MTA3: variants seen among roughly 807,000 people sequenced by gnomAD.
The protein encoded by MTA3 is metastasis associated 1 family member 3.
A neutral mutation model predicts 83.5 loss-of-function variants in MTA3; 34 were observed. That is an observed-to-expected ratio of 0.41 (90% CI 0.31 to 0.54). MTA3 has a LOEUF of 0.54. Ranked by LOEUF, MTA3 falls within the 20% of genes least tolerant of loss-of-function variation. The pLI is 0.33. For missense variants in MTA3, 761 were observed against 726.4 expected (o/e 1.05, Z -0.55); for synonymous variants, 303 against 252.7 (o/e 1.20, Z -1.89).
intron 2 of MTA3, among the ~76,000 whole-genome samples, chr2:42,556,013 A>C (rs904973222): frequency 1.3e-5 from 2 of 152,042 alleles, no homozygotes; most frequent in African/African-American, 4.8e-5. Context: ...TGGAAGTTGC[A>C]GTGAGCCGAC....
intron 16 of MTA3, among the ~76,000 whole-genome samples, chr2:42,743,739 A>G (rs1333501041): frequency 1.3e-5 from 2 of 152,178 alleles, no homozygotes; most frequent in African/African-American, 4.8e-5. Context: ...GTGATTCAAC[A>G]GTTCTAACTG....
intron 2 of MTA3, among the ~76,000 whole-genome samples, 168 bp downstream of exon 2, chr2:42,570,672 A>G (rs979776252): frequency 6.6e-6 from 1 of 152,098 alleles, no homozygotes; most frequent in Non-Finnish European, 1.5e-5. Flanking sequence ...CAGCCTGTGC[A>G]ACATAGTGAG....
At chr2:42,624,344 G>A (rs1460591130) in intron 4 of MTA3, among the ~76,000 whole-genome samples, 1 of 151,454 alleles carries the variant, frequency 6.6e-6, no homozygotes, top group African/African-American at 2.4e-5. Flanking sequence ...TTTTTGAGAT[G>A]GAATCTTGCT....
intron 2 of MTA3, among the ~76,000 whole-genome samples, chr2:42,551,760 G>A (rs1308497904): frequency 6.7e-6 from 1 of 150,284 alleles, no homozygotes; most frequent in Admixed American, 6.6e-5. Flanking sequence ...TTCTTTTTGA[G>A]ATGGAGTTTC....
intron 4 of MTA3, among the ~76,000 whole-genome samples, chr2:42,636,871 C>T (rs192462998): frequency 1.6e-4 from 24 of 152,194 alleles, no homozygotes; most frequent in African/African-American, 5.1e-4. Flanking sequence ...GTGACCCGCC[C>T]GCATCGGCCT....
intron 3 of MTA3, among the ~76,000 whole-genome samples, chr2:42,605,705 G>A (rs1683226464): frequency 7.5e-6 from 1 of 132,866 alleles, no homozygotes; most frequent in South Asian, 2.4e-4. Context: ...CGGCTGGCCG[G>A]GCGGGGGGCC....
intron 9 of MTA3, among the ~76,000 whole-genome samples, chr2:42,695,297 T>G (rs1693282064): frequency 6.6e-6 from 1 of 152,132 alleles, no homozygotes; most frequent in Admixed American, 6.5e-5. Flanking sequence ...TATTCTAGAA[T>G]GAATCTTCCA....
chr2:42,650,552 G>A (rs1313699235), intron 6 of MTA3, among the ~76,000 whole-genome samples: 7 of 151,948 alleles, frequency 4.6e-5, no homozygotes, highest in African/African-American at 1.7e-4. Context: ...CCATTTTCCT[G>A]CCTCAGCCTC....
intron 3 of MTA3, among the ~76,000 whole-genome samples, chr2:42,605,673 C>CT (rs1342243555): frequency 7.8e-5 from 10 of 128,500 alleles, no homozygotes; most frequent in African/African-American, 2.7e-4. Flanking sequence ...GGCTGACCCC[C>CT]CCACCTCCCT....
chr2:42,580,884 C>T (rs10167442), intron 3 of MTA3, among the ~76,000 whole-genome samples: 4,504 of 152,176 alleles, frequency 0.03, 103 homozygotes, highest in Middle Eastern at 0.048. Flanking sequence ...CCACCCCACC[C>T]GGCCAGTTTG....
chr2:42,689,992 T>C (rs990103248), intron 9 of MTA3, among the ~76,000 whole-genome samples: 3 of 152,030 alleles, frequency 2.0e-5, no homozygotes, highest in Admixed American at 6.6e-5. Flanking sequence ...TGATTGAAGC[T>C]TAGGGCTACA....
intron 4 of MTA3, among the ~76,000 whole-genome samples, chr2:42,633,244 A>G (rs1026674589): frequency 6.6e-6 from 1 of 151,774 alleles, no homozygotes; most frequent in Admixed American, 6.6e-5. Flanking sequence ...GCACCACTGT[A>G]TTCCAGCATG....
intron 2 of MTA3, among the ~76,000 whole-genome samples, chr2:42,498,936 T>C (rs1674270540): frequency 6.6e-6 from 1 of 152,164 alleles, no homozygotes; most frequent in Non-Finnish European, 1.5e-5. Flanking sequence ...TTAAGGGGCA[T>C]CTATTTTCGT....
chr2:42,591,332 G>A (rs1680965280), intron 3 of MTA3, among the ~76,000 whole-genome samples: 1 of 152,188 alleles, frequency 6.6e-6, no homozygotes, highest in Non-Finnish European at 1.5e-5. Context: ...ACCATGAATG[G>A]AGATTCCAGG....
chr2:42,731,573 G>A (rs776018423), intron 16 of MTA3, among the ~76,000 whole-genome samples: 1 of 152,080 alleles, frequency 6.6e-6, no homozygotes, highest in African/African-American at 2.4e-5. Flanking sequence ...GGGAAAGACC[G>A]ACCCCCATGA....
At chr2:42,526,002 C>T (rs916994583) in intron 2 of MTA3, among the ~76,000 whole-genome samples, 3 of 152,148 alleles carry the variant, frequency 2.0e-5, no homozygotes, top group Non-Finnish European at 4.4e-5. Flanking sequence ...AGAGAAAGAA[C>T]CCCCTCGTTA....
chr2:42,695,503 G>A (rs927302325), intron 9 of MTA3, among the ~76,000 whole-genome samples: 12 of 151,688 alleles, frequency 7.9e-5, no homozygotes, highest in African/African-American at 2.9e-4. Context: ...GGGCATGGTG[G>A]CATGTGCTTC....
chr2:42,566,233 G>T (rs1034527862), upstream of MTA3, among the ~76,000 whole-genome samples: 1 of 152,080 alleles, frequency 6.6e-6, no homozygotes, highest in African/African-American at 2.4e-5. Context: ...AAAGGTGCAG[G>T]CTTTCCACCC....
At chr2:42,601,116 A>G (rs896743359) in intron 3 of MTA3, among the ~76,000 whole-genome samples, 2 of 152,226 alleles carry the variant, frequency 1.3e-5, no homozygotes, top group Admixed American at 1.3e-4. Context: ...CATGTTGTCC[A>G]GGATGGTCTC....
Sources: allele counts gnomAD v4.1 joint callset (sites outside exome capture counted in the v4.1 genomes callset), GRCh38; gene constraint gnomAD v4.1.1; transcripts MANE v1.5; gene names NCBI Gene and HGNC (gene_info 2026-07-23, HGNC 2026-07-21).